IHO1: variants seen among roughly 807,000 people sequenced by gnomAD.
IHO1 encodes interactor of HORMAD1 protein 1.
In IHO1, 13 loss-of-function variants were observed where a neutral mutation model predicts 31.0. The observed-to-expected ratio is 0.42, with a 90% CI of 0.27 to 0.67. The LOEUF is 0.67. Ranked by LOEUF, IHO1 falls within the 30% of genes least tolerant of loss-of-function variation. IHO1 has a pLI of 0.24. For synonymous variants in IHO1, 221 were observed against 248.4 expected (o/e 0.89, Z 1.04); for missense variants, 599 against 687.5 (o/e 0.87, Z 1.44).
upstream of IHO1, among the ~76,000 whole-genome samples, chr3:49,194,571 G>A (rs6794918): frequency 4.1e-5 from 6 of 146,414 alleles, no homozygotes; most frequent in Non-Finnish European, 7.5e-5. Flanking sequence ...GATTACAGGC[G>A]TGAGCCACCG....
At chr3:49,222,935 G>A (rs978968253) in intron 2 of IHO1, among the ~76,000 whole-genome samples, 1 of 152,120 alleles carries the variant, frequency 6.6e-6, no homozygotes, top group Non-Finnish European at 1.5e-5. Flanking sequence ...AAGGATTACC[G>A]AGTATGGTCC....
At chr3:49,240,346 C>A (rs1281454496) in intron 3 of IHO1, among the ~76,000 whole-genome samples, 2 of 152,222 alleles carry the variant, frequency 1.3e-5, no homozygotes, top group African/African-American at 4.8e-5. Flanking sequence ...GCCTCAGCCT[C>A]CTGAGTAGTT....
intron 4 of IHO1, among the ~76,000 whole-genome samples, chr3:49,243,618 C>T (rs774772384): frequency 5.4e-4 from 81 of 151,268 alleles, no homozygotes; most frequent in Non-Finnish European, 9.7e-4. Context: ...ATTAGCCGGG[C>T]GTGGTGGCGG....
intron 6 of IHO1, among the ~76,000 whole-genome samples, chr3:49,250,976 A>G (rs1426900782): frequency 6.6e-6 from 1 of 152,022 alleles, no homozygotes; most frequent in Non-Finnish European, 1.5e-5. Flanking sequence ...GTGAGCCAAG[A>G]TCGCGCCACT....
intron 2 of IHO1, among the ~76,000 whole-genome samples, chr3:49,221,583 G>A (rs1349062735): frequency 6.6e-6 from 1 of 152,204 alleles, no homozygotes; most frequent in African/African-American, 2.4e-5. Flanking sequence ...ACTTCCTGCT[G>A]GTTAGGGGCG....
At chr3:49,254,925 A>T (rs531250689) in intron 6 of IHO1, among the ~76,000 whole-genome samples, 1 of 152,120 alleles carries the variant, frequency 6.6e-6, no homozygotes, top group African/African-American at 2.4e-5. Context: ...TTAGCAGGGC[A>T]TGGTGGCATG....
At chr3:49,244,824 G>A (rs1404652031) in intron 6 of IHO1, 91 bp downstream of exon 6, 1 of 1,102,342 alleles carries the variant, frequency 9.1e-7, no homozygotes, top group Admixed American at 1.7e-5. Context: ...CAGTGGTGAG[G>A]TTCCTCACAG....
Position 49,256,316 on chromosome 3 carries a change from G to A in IHO1, c.819G>A (p.Thr273=), listed in dbSNP as rs982478045. 53 of 1,614,132 alleles carry A rather than the reference G, an allele frequency of 3.3e-5. No homozygotes were observed. Among genetic ancestry groups the A allele is most frequent in the Middle Eastern group, 3.3e-4 (2 of 6,060 alleles). ...CAGTGAAAGACAGTGCTTCTCAGAC[G>A]TCGCCACCTTTGGCCCAGAGCCTCA... ...VPPVKDSASQ[T]SPPLAQSLNL... is the part of the protein sequence containing the mutation. The change falls in exon 8 of 8, where the codon ACG becomes ACA. Residue 273 remains threonine, a synonymous_variant. Transcript: ENST00000452691. This position sits in a 1 kb window ranked among gnomAD's most constrained non-coding sequence, Gnocchi z 4.6.
chr3:49,196,620 TTACAG>T (rs2045998041), upstream of IHO1, among the ~76,000 whole-genome samples: 1 of 151,150 alleles, frequency 6.6e-6, no homozygotes, highest in African/African-American at 2.4e-5. Context: ...GTAGCTGGGA[TTACAG>T]GCGTGCGCCA....
At position 49,257,327 on chromosome 3, in the gene IHO1, G is replaced by A. The variant is rs748228237; in HGVS notation, c.*45G>A. ...TTGGTCTCAGCTAGAAAGAGAAATTGCAGGACATTTGGGCTGGCCAACAGC... is the reference window on the plus strand; with the variant it reads ...TTGGTCTCAGCTAGAAAGAGAAATTACAGGACATTTGGGCTGGCCAACAGC... On this transcript the variant is annotated 3_prime_UTR_variant, in exon 8 of 8. Coordinates refer to ENST00000452691, the MANE Select transcript of IHO1 (RefSeq NM_001135197.2). 4 of 1,567,046 alleles carry A rather than the reference G, an allele frequency of 2.6e-6. No homozygotes were observed. The South Asian group carries it at 4.8e-5, about 19-fold the overall frequency.
Position 49,256,437 on chromosome 3 carries a change from C to G in IHO1, c.940C>G (p.Gln314Glu). The change falls in exon 8 of 8, where the codon CAG becomes GAG. Residue 314 changes from glutamine (Q) to glutamate (E), a missense_variant. Gln to Glu is a conservative substitution (Grantham distance 29). Transcript: ENST00000452691. The surrounding 1 kb of genome is among the most constrained non-coding windows in gnomAD (Gnocchi z 4.6). ...AAWNPGMGSL[Q>E]PGEFDVWGEG... ...ATGGAATCCTGGTATGGGCTCCCTA[C>G]AGCCTGGAGAATTTGATGTCTGGGG... 1 of 1,614,198 alleles carries G rather than the reference C, an allele frequency of 6.2e-7. No individual in the cohort carries two copies. The highest frequency in any genetic ancestry group is 8.5e-7 in the Non-Finnish European group (1 of 1,180,040).
At chr3:49,207,496 G>A (rs2046154429) in intron 1 of IHO1, among the ~76,000 whole-genome samples, 1 of 151,814 alleles carries the variant, frequency 6.6e-6, no homozygotes, top group African/African-American at 2.4e-5. Flanking sequence ...TGCCCACCTC[G>A]GCCTCCCAAA....
chr3:49,219,892 G>T (rs982633531), intron 2 of IHO1, among the ~76,000 whole-genome samples: 1 of 152,328 alleles, frequency 6.6e-6, no homozygotes, highest in Non-Finnish European at 1.5e-5. Context: ...AATAGAAGAG[G>T]TAATGGAGCA....
upstream of IHO1, among the ~76,000 whole-genome samples, chr3:49,196,905 C>T (rs1451900230): frequency 2.0e-5 from 3 of 151,166 alleles, no homozygotes; most frequent in Non-Finnish European, 4.4e-5. Context: ...CCCCTGACCT[C>T]GTGATCTGCC....
chr3:49,225,564 G>A (rs1016719587), intron 2 of IHO1, among the ~76,000 whole-genome samples: 24 of 152,262 alleles, frequency 1.6e-4, no homozygotes, highest in African/African-American at 5.1e-4. Flanking sequence ...TCCCTCCACC[G>A]GTAGGGGACA....
chr3:49,234,941 G>A (rs1023801396), intron 2 of IHO1, among the ~76,000 whole-genome samples: 1 of 151,800 alleles, frequency 6.6e-6, no homozygotes, highest in Non-Finnish European at 1.5e-5. Context: ...CTGCCTCCCG[G>A]GTTCCAGTGA....
upstream of IHO1, among the ~76,000 whole-genome samples, chr3:49,196,457 T>G (rs2045996706): frequency 6.7e-6 from 1 of 148,236 alleles, no homozygotes; most frequent in Admixed American, 6.7e-5. Context: ...TAGCTGAGAC[T>G]ATAGGCGCCC....
intron 1 of IHO1, among the ~76,000 whole-genome samples, chr3:49,205,375 G>A (rs570309168): frequency 6.6e-6 from 1 of 151,284 alleles, no homozygotes; most frequent in Admixed American, 6.6e-5. Context: ...CTGGAGTGCC[G>A]TGGTACAATC....
chr3:49,202,215 T>A (rs1163721184), intron 1 of IHO1, among the ~76,000 whole-genome samples: 2 of 152,058 alleles, frequency 1.3e-5, no homozygotes, highest in Non-Finnish European at 2.9e-5. Flanking sequence ...TAGAATGATG[T>A]AGTATTACAC....
Sources: gnomAD v4.1 joint callset for allele counts (sites outside exome capture counted in the v4.1 genomes callset) on GRCh38, gnomAD v4.1.1 for gene constraint, Gnocchi (gnomAD v3.1) non-coding constraint, MANE v1.5 for transcripts, NCBI Gene and HGNC (gene_info 2026-07-23, HGNC 2026-07-21) for gene names.